The following STXBP5 variants were observed in gnomAD, a reference collection of about 807,000 sequenced individuals.
STXBP5 encodes the protein syntaxin-binding protein 5.
STXBP5 carries 50 observed loss-of-function variants against 152.4 expected under a neutral mutation model. That is an observed-to-expected ratio of 0.33 (90% CI 0.26 to 0.42). STXBP5 has a LOEUF of 0.42. Among genes scored for constraint, STXBP5 ranks in the 10% least tolerant of loss-of-function variants. The pLI is 1.00. For missense variants in STXBP5, 1,167 were observed against 1,388.6 expected (o/e 0.84, Z 2.54); for synonymous variants, 492 against 494.7 (o/e 0.99, Z 0.07).
rs112871096 is a variant in STXBP5 at position 147,308,908 on chromosome 6, A to G, written c.918-1176A>G. Among the ~76,000 whole-genome samples, 600 of 152,264 alleles carry G rather than the reference A, an allele frequency of 3.9e-3. 3 individuals are homozygous for G. Among genetic ancestry groups the G allele is most frequent in the African/African-American group, 0.014 (580 of 41,572 alleles). The stretch of plus-strand genomic sequence containing the variant: ...TGACAATTTGATGATATAATAATTA[A>G]AAGTAGGTGACTCTTACTAAGGATG... On this transcript the variant is annotated intron_variant, in intron 9 of 27. Coordinates refer to ENST00000321680, the MANE Select transcript of STXBP5 (RefSeq NM_001127715.4).
chr6:147,313,826 T>A (rs1223452687), intron 11 of STXBP5, 58 bp from the exon 12 acceptor site: 1 of 1,138,924 alleles, frequency 8.8e-7, no homozygotes, highest in African/African-American at 1.6e-5. Flanking sequence ...ATTTTTGTAT[T>A]AATCATATGG....
At chr6:147,249,378 GGAGTAT>G (rs1778975591) in intron 4 of STXBP5, among the ~76,000 whole-genome samples, 1 of 152,132 alleles carries the variant, frequency 6.6e-6, no homozygotes, top group Admixed American at 6.5e-5. Flanking sequence ...AGAATTTCGA[GGAGTAT>G]GATAGAAAAG....
chr6:147,361,428 A>G (rs993782531), intron 23 of STXBP5, among the ~76,000 whole-genome samples: 1 of 152,208 alleles, frequency 6.6e-6, no homozygotes, highest in African/African-American at 2.4e-5. Flanking sequence ...TTTCTTCTCA[A>G]TGATGGAATC....
intron 3 of STXBP5, among the ~76,000 whole-genome samples, chr6:147,238,068 A>C (rs1030543819): frequency 3.9e-5 from 6 of 152,210 alleles, no homozygotes; most frequent in African/African-American, 1.4e-4. Context: ...TTCAAAATAT[A>C]CTTCCATAGG....
At chr6:147,276,562 A>G (rs1000224698) in intron 7 of STXBP5, among the ~76,000 whole-genome samples, 6 of 152,114 alleles carry the variant, frequency 3.9e-5, no homozygotes, top group African/African-American at 2.4e-5. Context: ...GTTTTTATCT[A>G]TAGGTTCCAG....
At chr6:147,247,844 G>A (rs1582838026) in intron 4 of STXBP5, among the ~76,000 whole-genome samples, 1 of 152,038 alleles carries the variant, frequency 6.6e-6, no homozygotes, top group African/African-American at 2.4e-5. Context: ...CAAGGAATAG[G>A]GGAAATATAT....
chr6:147,207,694 T>C (rs1011080938), intron 2 of STXBP5, among the ~76,000 whole-genome samples: 3 of 152,160 alleles, frequency 2.0e-5, no homozygotes, highest in Non-Finnish European at 2.9e-5. Context: ...CCCAACAAGA[T>C]AATTTCATAA....
At chr6:147,242,171 T>TA (rs74855396) in intron 4 of STXBP5, among the ~76,000 whole-genome samples, 3,544 of 133,690 alleles carry the variant, frequency 0.027, 45 homozygotes, top group Non-Finnish European at 0.034. Context: ...GTCTTAGTTT[T>TA]AAAAAAAAAA....
chr6:147,356,081 GTAATC>G (rs1562265323), intron 22 of STXBP5, among the ~76,000 whole-genome samples: 1 of 151,962 alleles, frequency 6.6e-6, no homozygotes, highest in Non-Finnish European at 1.5e-5. Context: ...AGTTGCTTTG[GTAATC>G]TAATTTTTAT....
intron 24 of STXBP5, 90 bp downstream of exon 24, chr6:147,363,794 T>C (rs1785173347): frequency 6.7e-7 from 1 of 1,497,368 alleles, no homozygotes; most frequent in East Asian, 2.3e-5. Flanking sequence ...GCTTTTTGTG[T>C]GTGTATAGTC....
intron 8 of STXBP5, among the ~76,000 whole-genome samples, chr6:147,281,350 G>A (rs1313615979): frequency 6.6e-6 from 1 of 152,150 alleles, no homozygotes; most frequent in East Asian, 1.9e-4. Context: ...GAGCCACCAT[G>A]CCTGGCCAGC....
At chr6:147,327,591 G>A (rs1334990897) in intron 18 of STXBP5, among the ~76,000 whole-genome samples, 2 of 152,072 alleles carry the variant, frequency 1.3e-5, no homozygotes, top group Non-Finnish European at 2.9e-5. Flanking sequence ...ATAGGCACAT[G>A]CCACCATACC....
intron 21 of STXBP5, among the ~76,000 whole-genome samples, chr6:147,352,764 C>T (rs1455022697): frequency 6.6e-6 from 1 of 152,202 alleles, no homozygotes; most frequent in African/African-American, 2.4e-5. Flanking sequence ...AGAAAAGCCT[C>T]ACCCTTTCCT....
chr6:147,376,623 C>T (rs542422415), intron 26 of STXBP5, among the ~76,000 whole-genome samples: 1 of 152,084 alleles, frequency 6.6e-6, no homozygotes, highest in South Asian at 2.1e-4. Flanking sequence ...TCGAGACCAG[C>T]CTGGGCAATA....
intron 2 of STXBP5, among the ~76,000 whole-genome samples, chr6:147,218,569 C>G (rs1187779711): frequency 1.3e-5 from 2 of 152,046 alleles, no homozygotes; most frequent in East Asian, 3.9e-4. Flanking sequence ...CAGCCTCGAT[C>G]TCCTGGGCTC....
At chr6:147,370,823 C>T (rs940108417) in intron 25 of STXBP5, among the ~76,000 whole-genome samples, 1 of 151,812 alleles carries the variant, frequency 6.6e-6, no homozygotes, top group Non-Finnish European at 1.5e-5. Flanking sequence ...TGTGTTTATC[C>T]TGGAGATATT....
intron 9 of STXBP5, among the ~76,000 whole-genome samples, chr6:147,297,524 CAGAT>C (rs1781588555): frequency 2.0e-5 from 3 of 152,168 alleles, no homozygotes; most frequent in South Asian, 4.1e-4. Context: ...ATAAAACTCA[CAGAT>C]AGAGATAAAT....
Position 147,204,482 on chromosome 6 carries a change from G to T in STXBP5, c.-51G>T. The stretch of plus-strand genomic sequence containing the variant: ...GGCCCCGGGTGGTCTCCCCCGCCCG[G>T]GGACCCCCTGTGCCTCCCCTCCCGG... On this transcript the variant is annotated 5_prime_UTR_variant, in exon 1 of 28. Transcript: ENST00000321680. The surrounding 1 kb of genome is among the most constrained non-coding windows in gnomAD (Gnocchi z 4.3). 1 of 1,592,738 alleles carries T rather than the reference G, an allele frequency of 6.3e-7. No individual in the cohort carries two copies.
At chr6:147,247,589 A>T (rs898676110) in intron 4 of STXBP5, among the ~76,000 whole-genome samples, 3 of 152,214 alleles carry the variant, frequency 2.0e-5, no homozygotes, top group Non-Finnish European at 2.9e-5. Flanking sequence ...TTCAGGCAGT[A>T]TTGGATCACC....
Sources: gnomAD v4.1 joint callset for allele counts (sites outside exome capture counted in the v4.1 genomes callset) on GRCh38, gnomAD v4.1.1 for gene constraint, Gnocchi (gnomAD v3.1) non-coding constraint, MANE v1.5 for transcripts, NCBI Gene and HGNC (gene_info 2026-07-23, HGNC 2026-07-21) for gene names.